The following FKBP5 variants were observed in gnomAD, a reference collection of about 807,000 sequenced individuals.
FKBP5 encodes the protein FKBP prolyl isomerase 5.
In FKBP5, 23 loss-of-function variants were observed where a neutral mutation model predicts 50.5. The observed-to-expected ratio is 0.46, with a 90% CI of 0.33 to 0.65. The LOEUF (loss-of-function observed/expected upper bound fraction) is 0.65, where lower values mean the gene tolerates loss of function less well. Among genes scored for constraint, FKBP5 ranks in the 30% least tolerant of loss-of-function variants. The pLI, the probability that FKBP5 is intolerant of heterozygous loss-of-function variation, is 0.02. For missense variants in FKBP5, 411 were observed against 553.1 expected (o/e 0.74, Z 2.58); for synonymous variants, 176 against 190.6 (o/e 0.92, Z 0.63).
intron 2 of FKBP5, among the ~76,000 whole-genome samples, chr6:35,695,784 T>G (rs1766070503): frequency 6.6e-6 from 1 of 152,232 alleles, no homozygotes; most frequent in Admixed American, 6.5e-5. Context: ...AAATACATTT[T>G]ATTGGAATAC....
intron 7 of FKBP5, among the ~76,000 whole-genome samples, chr6:35,589,120 A>T (rs969305287): frequency 8.0e-6 from 1 of 125,548 alleles, no homozygotes; most frequent in African/African-American, 3.2e-5. Context: ...TTATATATAT[A>T]TATATATATT....
chr6:35,597,330 C>T lies in FKBP5; in HGVS notation c.583G>A (p.Asp195Asn), dbSNP rs1044610950. The change falls in exon 6 of 11, where the codon GAC becomes AAC. Residue 195 changes from aspartate to asparagine, a missense_variant. Physicochemically the swap from Asp to Asn is conservative, Grantham distance 23. This residue lies in a region of FKBP5 where 267 missense variants were observed against 405.9 expected (regional missense o/e 0.66). Coordinates refer to ENST00000357266, the MANE Select transcript of FKBP5 (RefSeq NM_004117.4). Reference protein sequence around the residue: ...DVAFTVGEGEDHDIPIGIDKA... With the variant: ...DVAFTVGEGENHDIPIGIDKA... ...TCAATTCCAATTGGAATGTCGTGGT[C>T]TTCTCCTTCGCCCACAGTGAATGCC... 37 of 1,614,090 alleles carry T rather than the reference C, an allele frequency of 2.3e-5. No individual in the cohort carries two copies. The highest frequency in any genetic ancestry group is 3.1e-5 in the Non-Finnish European group (37 of 1,180,038).
At chr6:35,702,038 G>T (rs1015421789) in intron 2 of FKBP5, among the ~76,000 whole-genome samples, 1 of 152,042 alleles carries the variant, frequency 6.6e-6, no homozygotes, top group Non-Finnish European at 1.5e-5. Flanking sequence ...AGTAGAGATG[G>T]GGTTTCACCT....
At position 35,591,210 on chromosome 6, in the gene FKBP5, C is replaced by G; in HGVS notation, c.676G>C (p.Gly226Arg). The G allele has an allele frequency of 6.2e-7, 1 of 1,609,016 alleles. No homozygotes were observed. Among genetic ancestry groups the G allele is most frequent in the Non-Finnish European group, 8.5e-7 (1 of 1,176,418 alleles). Reference protein sequence around the residue: ...ILYLGPRYGFGEAGKPKFGIE... With the variant: ...ILYLGPRYGFREAGKPKFGIE... ...CCAAATTTAGGCTTCCCTGCCTCTC[C>G]AAAACCATATCTGAAATGGAGAGTA... Residue 226 changes from glycine to arginine, a missense_variant, in exon 7 of 11, where the codon GGA becomes CGA. Gly to Arg is a moderately radical substitution (Grantham distance 125). This residue lies in a region of FKBP5 where 267 missense variants were observed against 405.9 expected (regional missense o/e 0.66). Transcript: ENST00000357266.
At chr6:35,665,195 A>G (rs747616194) in intron 1 of FKBP5, among the ~76,000 whole-genome samples, 11 of 152,166 alleles carry the variant, frequency 7.2e-5, no homozygotes, top group African/African-American at 2.2e-4. Flanking sequence ...TCTCTAATTC[A>G]TGGACCTTAA....
chr6:35,667,498 T>A (rs1177338731), intron 1 of FKBP5, among the ~76,000 whole-genome samples: 1 of 152,232 alleles, frequency 6.6e-6, no homozygotes, highest in Non-Finnish European at 1.5e-5. Context: ...ATTAACCCGT[T>A]TCCTCCATAA....
chr6:35,599,242 T>C (rs1010471456), intron 5 of FKBP5, among the ~76,000 whole-genome samples: 3 of 152,318 alleles, frequency 2.0e-5, no homozygotes, highest in Admixed American at 6.5e-5. Context: ...TTGAACTACA[T>C]GATCTCAATG....
intron 8 of FKBP5, chr6:35,586,822 A>C: frequency 7.0e-7 from 1 of 1,429,980 alleles, no homozygotes; most frequent in Non-Finnish European, 9.1e-7. Flanking sequence ...AATCTAGAGC[A>C]GAATGTGTAA....
At chr6:35,615,313 T>G (rs79836505) in intron 5 of FKBP5, among the ~76,000 whole-genome samples, 2 of 152,232 alleles carry the variant, frequency 1.3e-5, no homozygotes, top group African/African-American at 2.4e-5. Flanking sequence ...AACCTAGCAC[T>G]CAGATCTTGG....
chr6:35,720,355 A>C (rs550287359), exon 2 of FKBP5: 2 of 152,596 alleles, frequency 1.3e-5, no homozygotes, highest in East Asian at 3.9e-4. Context: ...CTGTCCCTGC[A>C]GCCCACACCA....
chr6:35,580,664 G>A (rs760375808), intron 8 of FKBP5: 45 of 160,980 alleles, frequency 2.8e-4, no homozygotes, highest in Non-Finnish European at 4.7e-4. Flanking sequence ...TCAGCCTCCC[G>A]AGTAGCTGGG....
intron 1 of FKBP5, among the ~76,000 whole-genome samples, chr6:35,658,156 C>A (rs1765006493): frequency 6.6e-6 from 1 of 151,676 alleles, no homozygotes; most frequent in Admixed American, 6.6e-5. Context: ...GTGGGTGGAT[C>A]ACGAGGTTAG....
At chr6:35,708,175 T>C (rs1766355920) in intron 2 of FKBP5, among the ~76,000 whole-genome samples, 1 of 152,238 alleles carries the variant, frequency 6.6e-6, no homozygotes, top group East Asian at 1.9e-4. Flanking sequence ...AAAGATCTAG[T>C]TCCTTACAGC....
chr6:35,619,173 T>G lies in FKBP5; in HGVS notation c.431A>C (p.Glu144Ala). 6.2e-7 allele frequency: 1 copy of G among 1,613,816 alleles called. No homozygotes were observed. Among genetic ancestry groups the G allele is most frequent in the Non-Finnish European group, 8.5e-7 (1 of 1,179,820 alleles). Residue 144 changes from glutamate (E) to alanine (A), a missense_variant, in exon 5 of 11, where the codon GAA (glutamate) becomes GCA (alanine). Coordinates refer to ENST00000357266, the MANE Select transcript of FKBP5 (RefSeq NM_004117.4). ...LLDFKGEDLF[E>A]DGGIIRRTKR... The stretch of plus-strand genomic sequence containing the variant: ...GGTTCTCCGGATAATGCCTCCATCT[T>G]CAAATAAATCCTCTCCTTTGAAATC...
chr6:35,723,633 A>G (rs1235959814), intron 1 of FKBP5, among the ~76,000 whole-genome samples: 1 of 152,242 alleles, frequency 6.6e-6, no homozygotes, highest in African/African-American at 2.4e-5. Context: ...AGATAAACAA[A>G]GAAGAATGAA....
chr6:35,590,662 G>C (rs1207173010), intron 7 of FKBP5, among the ~76,000 whole-genome samples: 1 of 151,968 alleles, frequency 6.6e-6, no homozygotes, highest in Non-Finnish European at 1.5e-5. Context: ...AGTGGCCCTC[G>C]AGGACTTGCA....
intron 3 of FKBP5, among the ~76,000 whole-genome samples, chr6:35,622,135 T>A (rs183021597): frequency 1.3e-5 from 2 of 152,318 alleles, no homozygotes; most frequent in African/African-American, 2.4e-5. Context: ...GATAAACCAT[T>A]TTTTATTCAT....
chr6:35,721,758 A>G (rs1360074071), intron 1 of FKBP5, among the ~76,000 whole-genome samples: 4 of 152,236 alleles, frequency 2.6e-5, no homozygotes, highest in African/African-American at 9.6e-5. Context: ...CCAGCCGACA[A>G]TAGTGGCTTT....
chr6:35,643,817 A>T (rs540229123), intron 1 of FKBP5, among the ~76,000 whole-genome samples: 19 of 152,186 alleles, frequency 1.2e-4, no homozygotes, highest in Non-Finnish European at 2.2e-4. Flanking sequence ...TGTCTGTAAG[A>T]GATTCATAAG....
Sources: gnomAD v4.1 joint callset for allele counts (sites outside exome capture counted in the v4.1 genomes callset) on GRCh38, gnomAD v4.1.1 for gene constraint, gnomAD v4.1.1 regional missense constraint, MANE v1.5 for transcripts, NCBI Gene and HGNC (gene_info 2026-07-23, HGNC 2026-07-21) for gene names.